The following EXTL3 variants were observed in gnomAD, a reference collection of about 807,000 sequenced individuals.
EXTL3 encodes exostosin like glycosyltransferase 3, also known as exostosin-like 3.
EXTL3 carries 27 observed loss-of-function variants against 69.3 expected under a neutral mutation model. The ratio of observed to expected loss-of-function variants is 0.39; its 90% CI spans 0.29 to 0.54. The LOEUF (loss-of-function observed/expected upper bound fraction) is 0.54, where lower values mean the gene tolerates loss of function less well. EXTL3 is among the 20% of genes least tolerant of loss of function. The probability of loss-of-function intolerance (pLI) is 0.69; values close to 1 mark genes in which losing one functional copy is unlikely to be tolerated. For synonymous variants in EXTL3, 511 were observed against 499.4 expected (o/e 1.02, Z -0.31); for missense variants, 1,003 against 1,231.8 (o/e 0.81, Z 2.78).
intron 3 of EXTL3, among the ~76,000 whole-genome samples, chr8:28,726,719 C>A (rs1251346829): frequency 6.6e-6 from 1 of 152,032 alleles, no homozygotes; most frequent in Non-Finnish European, 1.5e-5. Flanking sequence ...TCCCTTCAGA[C>A]ATTGCCACAT....
chr8:28,646,125 G>T (rs943817120), intron 1 of EXTL3, among the ~76,000 whole-genome samples: 1 of 152,180 alleles, frequency 6.6e-6, no homozygotes, highest in Non-Finnish European at 1.5e-5. Flanking sequence ...GCTTCCCAAA[G>T]TGTTGGGATT....
In EXTL3 at chr8:28,750,646, C is replaced by A; in HGVS notation, c.2551-11C>A. The A allele has an allele frequency of 6.2e-7, 1 of 1,612,058 alleles. No homozygotes were observed. The highest frequency in any genetic ancestry group is 8.5e-7 in the Non-Finnish European group (1 of 1,178,174). ...TGGGATTCCCACTCTGTCTCTCTCT[C>A]CCGTTTCCAGGTGACCTCACGGTGG... On this transcript the variant is annotated splice_polypyrimidine_tract_variant and intron_variant, in intron 6 of 6. Transcript: ENST00000220562. This position sits in a 1 kb window ranked among gnomAD's most constrained non-coding sequence, Gnocchi z 5.2.
intron 1 of EXTL3, among the ~76,000 whole-genome samples, chr8:28,687,309 T>C (rs761374105): frequency 6.6e-6 from 1 of 152,008 alleles, no homozygotes; most frequent in Non-Finnish European, 1.5e-5. Flanking sequence ...CTACTTAAAA[T>C]ACAAAAATTA....
chr8:28,725,328 G>A (rs767039403), intron 3 of EXTL3, among the ~76,000 whole-genome samples: 13 of 152,094 alleles, frequency 8.5e-5, no homozygotes, highest in Non-Finnish European at 1.9e-4. Flanking sequence ...GCGAGGCACC[G>A]TCAGGGAGCC....
chr8:28,714,442 G>T (rs995250616), intron 2 of EXTL3, among the ~76,000 whole-genome samples: 4 of 152,124 alleles, frequency 2.6e-5, no homozygotes, highest in African/African-American at 9.7e-5. Context: ...GAAAGTGGTT[G>T]TGCCTCTGTG....
chr8:28,661,505 A>G (rs545742786), intron 1 of EXTL3, among the ~76,000 whole-genome samples: 1 of 152,256 alleles, frequency 6.6e-6, no homozygotes, highest in East Asian at 1.9e-4. Flanking sequence ...TAACATGAAT[A>G]TATATATGTT....
At chr8:28,620,286 C>A (rs1347184214), upstream of EXTL3, among the ~76,000 whole-genome samples, 1 of 152,110 alleles carries the variant, frequency 6.6e-6, no homozygotes, top group East Asian at 1.9e-4. Context: ...GCAGGCAGGG[C>A]CAGTGCTTCC....
At chr8:28,691,688 G>A (rs567322127) in intron 1 of EXTL3, among the ~76,000 whole-genome samples, 13 of 151,482 alleles carry the variant, frequency 8.6e-5, no homozygotes, top group Admixed American at 2.6e-4. Context: ...ACCTGAGGTC[G>A]GGAGTTCGAG....
Position 28,737,766 on chromosome 8 carries a change from T to C in EXTL3, c.2421+103T>C, listed in dbSNP as rs17059333. Reference sequence around the variant, plus strand: ...CTTAGCTCTCCTAACGCTTCTTACATGTTTCTTTTGTGCTAGAAGTCAGTT... The same window carrying C: ...CTTAGCTCTCCTAACGCTTCTTACACGTTTCTTTTGTGCTAGAAGTCAGTT... On this transcript the variant is annotated intron_variant, in intron 5 of 6. Coordinates refer to ENST00000220562, the MANE Select transcript of EXTL3 (RefSeq NM_001440.4). The C allele has an allele frequency of 6.2e-3, 7,934 of 1,274,040 alleles. 349 individuals are homozygous for C. The African/African-American group carries it at 0.099, about 16-fold the overall frequency. 78.9% of individuals were successfully genotyped at this position (1,274,040 alleles called of 1,614,324 possible).
At chr8:28,710,377 T>G (rs1801008513) in intron 1 of EXTL3, 1 of 431,746 alleles carries the variant, frequency 2.3e-6, no homozygotes, top group Non-Finnish European at 4.7e-6. Flanking sequence ...TGGGGAGTGG[T>G]GAAAAGGGGT....
intron 5 of EXTL3, chr8:28,741,326 C>T (rs1801774726): frequency 6.6e-6 from 1 of 152,172 alleles, no homozygotes; most frequent in Non-Finnish European, 1.5e-5. Context: ...GTTAAAATGT[C>T]ATTTCTTTCA....
chr8:28,677,093 A>G (rs923165592), intron 1 of EXTL3, among the ~76,000 whole-genome samples: 2 of 152,166 alleles, frequency 1.3e-5, no homozygotes, highest in Non-Finnish European at 2.9e-5. Flanking sequence ...TGAAGGAGGC[A>G]GTAGAGACAG....
intron 5 of EXTL3, 83 bp from the exon 6 acceptor site, chr8:28,743,003 C>T: frequency 6.6e-7 from 1 of 1,513,002 alleles, no homozygotes; most frequent in Non-Finnish European, 9.2e-7. Flanking sequence ...CCAAACAGCC[C>T]CTCCATCCAT....
At chr8:28,657,368 T>C (rs763744050) in intron 1 of EXTL3, among the ~76,000 whole-genome samples, 1 of 152,220 alleles carries the variant, frequency 6.6e-6, no homozygotes, top group Non-Finnish European at 1.5e-5. Flanking sequence ...AGTAACGCAG[T>C]CATCTCTGCA....
chr8:28,743,056 A>T (rs764705863), intron 5 of EXTL3, 30 bp from the exon 6 acceptor site: 1 of 1,613,766 alleles, frequency 6.2e-7, no homozygotes, highest in South Asian at 1.1e-5. Context: ...CTTGTAACAG[A>T]GCATGTGGTT....
chr8:28,719,478 G>A (rs578076752), intron 3 of EXTL3, among the ~76,000 whole-genome samples: 1 of 152,268 alleles, frequency 6.6e-6, no homozygotes, highest in South Asian at 2.1e-4. Flanking sequence ...TTGTGTCATA[G>A]TTGTTACTGC....
intron 6 of EXTL3, among the ~76,000 whole-genome samples, chr8:28,745,721 C>A (rs187322142): frequency 7.9e-5 from 12 of 152,318 alleles, no homozygotes; most frequent in East Asian, 5.8e-4. Context: ...GTTACCTGAG[C>A]AGGCACAGAC....
In EXTL3 at chr8:28,752,108, A is replaced by G. The variant is rs1802020116; in HGVS notation, c.*1242A>G. Reference sequence around the variant, plus strand: ...CCCGAGGTTTGGTATGTGCTAGAACAATGGGAGGCTGTGATTTGCTGTGTA... The same window carrying G: ...CCCGAGGTTTGGTATGTGCTAGAACGATGGGAGGCTGTGATTTGCTGTGTA... On this transcript the variant is annotated 3_prime_UTR_variant, in exon 7 of 7. Coordinates refer to ENST00000220562, the MANE Select transcript of EXTL3 (RefSeq NM_001440.4). 1 of 152,240 alleles carries G rather than the reference A, an allele frequency of 6.6e-6. No homozygotes were observed. Among genetic ancestry groups the G allele is most frequent in the South Asian group, 2.1e-4 (1 of 4,830 alleles). 9.4% of individuals were successfully genotyped at this position (152,240 alleles called of 1,614,324 possible).
chr8:28,638,555 C>T (rs1307012184), intron 1 of EXTL3, among the ~76,000 whole-genome samples: 5 of 152,132 alleles, frequency 3.3e-5, no homozygotes, highest in African/African-American at 1.2e-4. Context: ...GAGACCCAGT[C>T]CTTTTACCCA....
Sources: gnomAD v4.1 joint callset for allele counts (sites outside exome capture counted in the v4.1 genomes callset) on GRCh38, gnomAD v4.1.1 for gene constraint, Gnocchi (gnomAD v3.1) non-coding constraint, MANE v1.5 for transcripts, NCBI Gene and HGNC (gene_info 2026-07-23, HGNC 2026-07-21) for gene names.